The following TLL1 variants were observed in gnomAD, a reference collection of about 807,000 sequenced individuals.
TLL1 encodes the protein tolloid like 1.
A neutral mutation model predicts 128.2 loss-of-function variants in TLL1; 49 were observed. That is an observed-to-expected ratio of 0.38 (90% CI 0.30 to 0.48). TLL1 has a LOEUF of 0.48. Among genes scored for constraint, TLL1 ranks in the 20% least tolerant of loss-of-function variants. TLL1 has a pLI of 0.96. For missense variants in TLL1, 1,123 were observed against 1,242.0 expected (o/e 0.90, Z 1.44); for synonymous variants, 454 against 418.8 (o/e 1.08, Z -1.03).
At chr4:166,087,214 A>T (rs993381557) in intron 18 of TLL1, among the ~76,000 whole-genome samples, 1 of 152,112 alleles carries the variant, frequency 6.6e-6, no homozygotes, top group Admixed American at 6.6e-5. Context: ...TTTTTAGTTG[A>T]TTTATCATAT....
At chr4:165,923,854 C>T (rs555429779) in intron 1 of TLL1, among the ~76,000 whole-genome samples, 3 of 152,038 alleles carry the variant, frequency 2.0e-5, no homozygotes, top group Admixed American at 6.5e-5. Context: ...AATATGAGCT[C>T]GCTTCATGTC....
intron 1 of TLL1, among the ~76,000 whole-genome samples, chr4:165,896,545 T>C (rs1475626794): frequency 6.7e-6 from 1 of 148,714 alleles, no homozygotes; most frequent in African/African-American, 2.5e-5. Flanking sequence ...TGCAGTGGCA[T>C]GATCTTGTCT....
At chr4:166,074,656 G>A (rs1050618894) in intron 16 of TLL1, among the ~76,000 whole-genome samples, 5 of 152,028 alleles carry the variant, frequency 3.3e-5, no homozygotes, top group Admixed American at 6.6e-5. Context: ...TTATCGTAGC[G>A]CTAATAGTCT....
intron 1 of TLL1, among the ~76,000 whole-genome samples, chr4:165,949,289 T>C (rs1734398997): frequency 6.6e-6 from 1 of 152,066 alleles, no homozygotes; most frequent in Admixed American, 6.6e-5. Context: ...CTGAATTTTT[T>C]GAATTTACTT....
At chr4:165,908,049 T>C (rs1370687712) in intron 1 of TLL1, among the ~76,000 whole-genome samples, 1 of 152,238 alleles carries the variant, frequency 6.6e-6, no homozygotes, top group Admixed American at 6.5e-5. Flanking sequence ...ACAGGAAGGA[T>C]GAGATTACAA....
Position 165,877,139 on chromosome 4 carries a change from A to T in TLL1, c.169+3066A>T, listed in dbSNP as rs536754461. Among the ~76,000 whole-genome samples the T allele has an allele frequency of 5.2e-5, 8 of 152,382 alleles. No homozygotes were observed. In the South Asian group the frequency reaches 1.7e-3, roughly 32 times the overall value. ...TACACTATCCTCAACACATTTGTGA[A>T]ATAGAATACAATTTGTTTACCTATC... On this transcript the variant is annotated intron_variant, in intron 1 of 20. Transcript: ENST00000061240.
At chr4:165,983,425 T>A (rs1736243344) in intron 1 of TLL1, among the ~76,000 whole-genome samples, 1 of 151,918 alleles carries the variant, frequency 6.6e-6, no homozygotes, top group Non-Finnish European at 1.5e-5. Context: ...ACATGCTGCT[T>A]GTGTCTAAGT....
At chr4:166,081,502 T>C (rs1741280462) in intron 18 of TLL1, among the ~76,000 whole-genome samples, 1 of 152,196 alleles carries the variant, frequency 6.6e-6, no homozygotes, top group Non-Finnish European at 1.5e-5. Context: ...TGTAAGTGTG[T>C]GCAAGCTCCC....
rs1339517279 is a variant in TLL1, at chr4:166,040,402, T to C, written c.1261+961T>C. Among the ~76,000 whole-genome samples, 3 of 152,316 alleles carry C rather than the reference T, an allele frequency of 2.0e-5. No individual in the cohort carries two copies. The East Asian group carries it at 5.8e-4, about 29-fold the overall frequency. On this transcript the variant is annotated intron_variant, in intron 10 of 20. Transcript: ENST00000061240. ...CCTAGATGAAGCAATTTTTTACATA[T>C]GTATGCACAAGCCAAAGAAAATATT...
chr4:165,881,231 C>T (rs567646987), intron 1 of TLL1, among the ~76,000 whole-genome samples: 1 of 152,332 alleles, frequency 6.6e-6, no homozygotes, highest in Admixed American at 6.5e-5. Context: ...AATGAGTCCT[C>T]ACCTATCTCA....
At chr4:166,036,002 A>G (rs1189290067) in intron 9 of TLL1, among the ~76,000 whole-genome samples, 2 of 152,186 alleles carry the variant, frequency 1.3e-5, no homozygotes, top group Non-Finnish European at 2.9e-5. Context: ...ATAGCATAGC[A>G]ATCTAGTTTA....
chr4:166,044,853 A>G (rs78314676), intron 12 of TLL1, among the ~76,000 whole-genome samples: 1,880 of 152,336 alleles, frequency 0.012, 44 homozygotes, highest in African/African-American at 0.042. Context: ...GTGGAATTCT[A>G]TTATAGACAT....
intron 19 of TLL1, among the ~76,000 whole-genome samples, chr4:166,092,951 C>T (rs1741841838): frequency 6.6e-6 from 1 of 152,142 alleles, no homozygotes; most frequent in South Asian, 2.1e-4. Context: ...AGCAGTAAAA[C>T]TCCATAACTC....
intron 16 of TLL1, among the ~76,000 whole-genome samples, chr4:166,068,854 A>G (rs1427211697): frequency 6.6e-6 from 1 of 151,828 alleles, no homozygotes; most frequent in African/African-American, 2.4e-5. Context: ...AAAATGTTGT[A>G]CGTGGTAAAA....
chr4:166,080,706 T>A (rs184498824), intron 18 of TLL1, among the ~76,000 whole-genome samples: 1 of 152,268 alleles, frequency 6.6e-6, no homozygotes, highest in African/African-American at 2.4e-5. Context: ...AAGGAGGGTG[T>A]TAGGTGGATC....
intron 1 of TLL1, among the ~76,000 whole-genome samples, chr4:165,974,166 A>T (rs1223035347): frequency 3.6e-5 from 2 of 55,580 alleles, no homozygotes; most frequent in African/African-American, 2.4e-4. Context: ...TTTGAGACGG[A>T]GTCTCGCTCT....
Position 165,940,593 on chromosome 4 carries a change from G to T in TLL1, c.170-48788G>T, listed in dbSNP as rs367929317. 1.4e-4 allele frequency among the ~76,000 whole-genome samples: 21 copies of T among 151,946 alleles called. 1 individual carries two copies. Among genetic ancestry groups the T allele is most frequent in the Admixed American group, 5.2e-4 (8 of 15,240 alleles). On this transcript the variant is annotated intron_variant, in intron 1 of 20. Coordinates refer to ENST00000061240, the MANE Select transcript of TLL1 (RefSeq NM_012464.5). Reference sequence around the variant, plus strand: ...GGTGGCTGAATTCGTTATATGAAAAGGATAAATTTATTTCTTAATTGTTCA... The same window carrying T: ...GGTGGCTGAATTCGTTATATGAAAATGATAAATTTATTTCTTAATTGTTCA...
chr4:165,957,762 G>C (rs1035173644), intron 1 of TLL1, among the ~76,000 whole-genome samples: 9 of 148,576 alleles, frequency 6.1e-5, no homozygotes, highest in Non-Finnish European at 3.0e-5. Context: ...TGCACAATGT[G>C]CCAGTTAGTT....
At chr4:166,024,072 A>C (rs1738374285) in intron 8 of TLL1, among the ~76,000 whole-genome samples, 1 of 152,090 alleles carries the variant, frequency 6.6e-6, no homozygotes, top group African/African-American at 2.4e-5. Flanking sequence ...GCCCTGGATG[A>C]TTTATAGAAC....
Sources: allele counts gnomAD v4.1 joint callset (sites outside exome capture counted in the v4.1 genomes callset), GRCh38; gene constraint gnomAD v4.1.1; transcripts MANE v1.5; gene names NCBI Gene and HGNC (gene_info 2026-07-23, HGNC 2026-07-21).